AP1G2: variants seen among roughly 807,000 people sequenced by gnomAD.
AP1G2 encodes AP-1 complex subunit gamma-like 2.
AP1G2 carries 85 observed loss-of-function variants against 95.8 expected under a neutral mutation model. The ratio of observed to expected loss-of-function variants is 0.89; its 90% confidence interval spans 0.74 to 1.06. The LOEUF is 1.06. Ranked by LOEUF, AP1G2 falls within the 50% of genes least tolerant of loss-of-function variation. The probability of loss-of-function intolerance (pLI) is 0.00; values close to 1 mark genes in which losing one functional copy is unlikely to be tolerated. For synonymous variants in AP1G2, 378 were observed against 400.0 expected (o/e 0.94, Z 0.66); for missense variants, 967 against 1,005.8 (o/e 0.96, Z 0.52).
At chr14:23,565,784 C>T (rs1376138252) in intron 6 of AP1G2, 32 bp downstream of exon 6, 2 of 1,602,006 alleles carry the variant, frequency 1.2e-6, no homozygotes, top group Middle Eastern at 1.7e-4. Flanking sequence ...CCCTGTCTTC[C>T]AGGCCCAGGG....
At chr14:23,564,497 A>G in intron 9 of AP1G2, 65 bp downstream of exon 9, 1 of 1,600,922 alleles carries the variant, frequency 6.2e-7, no homozygotes, top group Non-Finnish European at 8.6e-7. Flanking sequence ...AGAAACCAGC[A>G]AGCAGGACCT....
chr14:23,565,888 G>T lies in AP1G2; in HGVS notation c.573C>A (p.Ile191=), dbSNP rs1190032008. 1 of 1,589,586 alleles carries T rather than the reference G, an allele frequency of 6.3e-7. No homozygotes were observed. Among genetic ancestry groups the T allele is most frequent in the Non-Finnish European group, 8.5e-7 (1 of 1,169,698 alleles). ...AQLLHERHHG[I]LLGTITLITE... ...TGATCAGCGTGATGGTGCCCAGCAG[G>T]ATGCCTGGGGTCAGCGTCGGGGAAG... is the stretch of plus-strand genomic sequence containing the variant. The change falls in exon 6 of 22, where the codon ATC becomes ATA. Residue 191 remains isoleucine, a synonymous_variant. Coordinates refer to ENST00000397120, the MANE Select transcript of AP1G2 (RefSeq NM_003917.5).
intron 2 of AP1G2, 42 bp from the exon 3 acceptor site, chr14:23,566,728 C>T (rs762813975): frequency 6.2e-7 from 1 of 1,606,766 alleles, no homozygotes; most frequent in Admixed American, 1.7e-5. Flanking sequence ...AGGGGTGAAA[C>T]CATAGACACT....
chr14:23,563,379 C>T lies in AP1G2; in HGVS notation c.1410+1G>A. The T allele has an allele frequency of 1.3e-6, 2 of 1,587,118 alleles. No homozygotes were observed. Among genetic ancestry groups the T allele is most frequent in the South Asian group, 1.1e-5 (1 of 87,452 alleles). On this transcript the variant is annotated splice_donor_variant, in intron 14 of 21. Transcript: ENST00000397120. LOFTEE classifies it high-confidence loss of function. Reference sequence around the variant, plus strand: ...TGGGCCTAGGTAGGTGGGAATGGTACCTGGGAAATGTCTTCTGCCAGGGCA... The same window carrying T: ...TGGGCCTAGGTAGGTGGGAATGGTATCTGGGAAATGTCTTCTGCCAGGGCA...
chr14:23,562,766 G>A (rs930815368), intron 14 of AP1G2, 173 bp from the exon 15 acceptor site: 24 of 636,336 alleles, frequency 3.8e-5, no homozygotes, highest in East Asian at 1.3e-4. Context: ...AAGAGAGAGA[G>A]AGAAAGAAAG....
rs999348889 is a variant in AP1G2 at position 23,560,162 on chromosome 14, C to G, written c.2157+93G>C. 6 of 1,511,500 alleles carry G rather than the reference C, an allele frequency of 4.0e-6. No homozygotes were observed. In the African/African-American group the frequency reaches 8.3e-5, roughly 21 times the overall value. 93.6% of individuals were successfully genotyped at this position (1,511,500 alleles called of 1,614,324 possible). A position where few individuals can be genotyped will look rare whatever the true frequency, so the allele number is the denominator to read the frequency against. On this transcript the variant is annotated intron_variant, in intron 20 of 21. Coordinates refer to ENST00000397120, the MANE Select transcript of AP1G2 (RefSeq NM_003917.5). ...AGTGCTGATCTCCAGATGACTCAAT[C>G]CCATCTCACACTGTCTCCCACCCAC...
At position 23,560,377 on chromosome 14, in the gene AP1G2, G is replaced by C; in HGVS notation, c.2035C>G (p.Gln679Glu). The C allele has an allele frequency of 6.2e-7, 1 of 1,614,078 alleles. No homozygotes were observed. ...GGTCGAATGAAAGACAGATTCAGCT[G>C]TACTCCCTCACGCTCAAACACTTTG... is the stretch of plus-strand genomic sequence containing the variant. ...DLKVFEREGV[Q>E]LNLSFIRPPE... The change falls in exon 20 of 22, where the codon CAG (glutamine) becomes GAG (glutamate). Residue 679 changes from glutamine (Q) to glutamate (E), a missense_variant. Coordinates refer to ENST00000397120, the MANE Select transcript of AP1G2 (RefSeq NM_003917.5).
At chr14:23,562,450 A>G (rs749513311) in intron 15 of AP1G2, 35 bp from the exon 16 acceptor site, 6 of 1,613,874 alleles carry the variant, frequency 3.7e-6, no homozygotes, top group Non-Finnish European at 5.1e-6. Flanking sequence ...GCCCTGGTGC[A>G]AGTCCTGTCC....
At chr14:23,560,614 C>T (rs1883862398) in intron 19 of AP1G2, 196 bp from the exon 20 acceptor site, 2 of 459,600 alleles carry the variant, frequency 4.4e-6, no homozygotes, top group Non-Finnish European at 7.4e-6. Flanking sequence ...CGGGCGTGAG[C>T]CAGTAATCCC....
At position 23,567,204 on chromosome 14, in the gene AP1G2, G is replaced by A; in HGVS notation, c.111C>T (p.Ala37=). The change falls in exon 2 of 22, where the codon GCC becomes GCT. Residue 37 remains alanine (A), a synonymous_variant. Transcript: ENST00000397120. This position sits in a 1 kb window ranked among gnomAD's most constrained non-coding sequence, Gnocchi z 5.3. ...VIQKECAHIR[A]SFRDGDPVHR... is the part of the protein sequence containing the mutation. Reference sequence around the variant, plus strand: ...GCACTGGGTCCCCGTCGCGGAAGGAGGCCCGGATGTGGGCACACTCCTTTT... The same window carrying A: ...GCACTGGGTCCCCGTCGCGGAAGGAAGCCCGGATGTGGGCACACTCCTTTT... 3 of 1,612,888 alleles carry A rather than the reference G, an allele frequency of 1.9e-6. No individual in the cohort carries two copies. The Admixed American group carries it at 5.0e-5, about 27-fold the overall frequency.
In AP1G2 at chr14:23,566,596, C is replaced by T; in HGVS notation, c.295G>A (p.Asp99Asn). The change falls in exon 3 of 22, where the codon GAT (aspartate) becomes AAT (asparagine). Residue 99 changes from aspartate to asparagine, a missense_variant. Asp to Asn is a conservative substitution (Grantham distance 23). Transcript: ENST00000397120. ...CTGTTGGTAATGAGCAGGTGGGCAT[C>T]GTGCCTCTCATCCAATAGAAGCATG... ...GAMLLLDERH[D>N]AHLLITNSIK... is the part of the protein sequence containing the mutation. The T allele has an allele frequency of 1.9e-6, 3 of 1,614,170 alleles. No homozygotes were observed. Among genetic ancestry groups the T allele is most frequent in the East Asian group, 2.2e-5 (1 of 44,888 alleles).
At position 23,565,124 on chromosome 14, in the gene AP1G2, C is replaced by T. The variant is rs371377735; in HGVS notation, c.817G>A (p.Ala273Thr). ...AGTGCCCTCCCAGGCCCCACCTGGG[C>T]CAGCAAGTCATTCATGGTCTCACTG... ...ESSETMNDLLAQVATNTDTSR... is the reference protein window; with the variant it reads ...ESSETMNDLLTQVATNTDTSR... Residue 273 changes from alanine to threonine, a missense_variant, in exon 8 of 22, where the codon GCC becomes ACC. By Grantham distance (58) the Ala-to-Thr change is moderately conservative (BLOSUM62 0). Transcript: ENST00000397120. 8.1e-6 allele frequency: 13 copies of T among 1,614,092 alleles called. No individual in the cohort carries two copies. In the African/African-American group the frequency reaches 1.7e-4, roughly 22 times the overall value.
At chr14:23,561,489 C>G in intron 18 of AP1G2, 23 bp downstream of exon 18, 1 of 1,614,100 alleles carries the variant, frequency 6.2e-7, no homozygotes, top group Non-Finnish European at 8.5e-7. Flanking sequence ...GTCTTCCTAC[C>G]CCAGAGTTTC....
At chr14:23,560,185 C>G in intron 20 of AP1G2, 70 bp downstream of exon 20, 1 of 1,569,944 alleles carries the variant, frequency 6.4e-7, no homozygotes, top group Admixed American at 1.7e-5. Flanking sequence ...GTCTCCCACC[C>G]ACCTCCTCCA....
chr14:23,566,956 A>G (rs1888354415), intron 2 of AP1G2, 155 bp downstream of exon 2: 2 of 938,548 alleles, frequency 2.1e-6, no homozygotes, highest in Admixed American at 2.9e-5. Context: ...GATGACCAGT[A>G]GGGGTAGCAA....
In AP1G2 at chr14:23,564,046, C is replaced by A; in HGVS notation, c.1091G>T (p.Arg364Leu). The A allele has an allele frequency of 1.2e-6, 2 of 1,613,968 alleles. No homozygotes were observed. The highest frequency in any genetic ancestry group is 1.1e-5 in the South Asian group (1 of 91,014). ...CLRETDASLS[R>L]RALELSLALV... The stretch of plus-strand genomic sequence containing the variant: ...TCCTGTCCCCTCTATCACTGCTCAC[C>A]GGCTGAGGGAGGCATCAGTTTCCCG... The change falls in exon 11 of 22, where the codon CGG becomes CTG. Residue 364 changes from arginine to leucine, a missense_variant and splice_region_variant. By Grantham distance (102) the Arg-to-Leu change is moderately radical (BLOSUM62 -2). Coordinates refer to ENST00000397120, the MANE Select transcript of AP1G2 (RefSeq NM_003917.5).
chr14:23,566,003 C>T lies in AP1G2; in HGVS notation c.568+61G>A, dbSNP rs538799119. ...TCTCCTGTGAGCTGGGGTTCCCATC[C>T]GATTTTCAATTCTTCTGTCCATAGA... On this transcript the variant is annotated intron_variant, in intron 5 of 21. Coordinates refer to ENST00000397120, the MANE Select transcript of AP1G2 (RefSeq NM_003917.5). 24 of 1,613,496 alleles carry T rather than the reference C, an allele frequency of 1.5e-5. No homozygotes were observed. The African/African-American group carries it at 2.4e-4, about 16-fold the overall frequency.
At position 23,560,274 on chromosome 14, in the gene AP1G2, C is replaced by CA; in HGVS notation, c.2137dup (p.Cys713LeufsTer39). 3.7e-6 allele frequency: 6 copies of CA among 1,613,746 alleles called. No individual in the cohort carries two copies. Among genetic ancestry groups the CA allele is most frequent in the Non-Finnish European group, 5.1e-6 (6 of 1,180,022 alleles). Reference sequence around the variant, plus strand: ...ACAAACCTTGGGCACAGCAGCCTGGCAGATGAAATGGGTGACATCACCCTC... The same window carrying CA: ...ACAAACCTTGGGCACAGCAGCCTGGCAAGATGAAATGGGTGACATCACCCTC... On this transcript the variant is annotated frameshift_variant, in exon 20 of 22. Coordinates refer to ENST00000397120, the MANE Select transcript of AP1G2 (RefSeq NM_003917.5). LOFTEE classifies it high-confidence loss of function.
Position 23,561,513 on chromosome 14 carries a change from T to G in AP1G2, c.1856A>C (p.Gln619Pro), listed in dbSNP as rs529280785. 63 of 1,614,068 alleles carry G rather than the reference T, an allele frequency of 3.9e-5. No individual in the cohort carries two copies. Among genetic ancestry groups the G allele is most frequent in the Non-Finnish European group, 4.5e-5 (53 of 1,180,030 alleles). The change falls in exon 18 of 22, where the codon CAG (glutamine) becomes CCG (proline). Residue 619 changes from glutamine to proline, a missense_variant and splice_region_variant. Gln to Pro is a moderately conservative substitution (Grantham distance 76). Coordinates refer to ENST00000397120, the MANE Select transcript of AP1G2 (RefSeq NM_003917.5). ...CCCCAGAGTTTCTAGCCTTCTCACC[T>G]GGGGCTCTGTGGGCACTGGGGCTGC... ...SEAAPVPTEPQASQLLDLLDL... is the reference protein window; with the variant it reads ...SEAAPVPTEPPASQLLDLLDL...
Sources: gnomAD v4.1 joint callset for allele counts on GRCh38, gnomAD v4.1.1 for gene constraint, Gnocchi (gnomAD v3.1) non-coding constraint, MANE v1.5 for transcripts, NCBI Gene and HGNC (gene_info 2026-07-23, HGNC 2026-07-21) for gene names.